Variants in GIGYF2 observed in about 807,000 individuals in gnomAD.
GIGYF2 encodes GRB10 interacting GYF protein 2.
GIGYF2 carries 25 observed loss-of-function variants against 208.1 expected under a neutral mutation model. That is an observed-to-expected ratio of 0.12 (90% confidence interval 0.09 to 0.17). The LOEUF is 0.17. GIGYF2 is among the 10% of genes least tolerant of loss of function. The pLI, the probability that GIGYF2 is intolerant of heterozygous loss-of-function variation, is 1.00. For synonymous variants in GIGYF2, 534 were observed against 543.8 expected (o/e 0.98, Z 0.25); for missense variants, 1,302 against 1,579.4 (o/e 0.82, Z 2.98).
At chr2:232,758,611 T>C (rs901217296) in intron 6 of GIGYF2, among the ~76,000 whole-genome samples, 1 of 152,222 alleles carries the variant, frequency 6.6e-6, no homozygotes, top group Admixed American at 6.5e-5. Flanking sequence ...CGTTGTAGTA[T>C]GTCCCACCCT....
intron 27 of GIGYF2, among the ~76,000 whole-genome samples, chr2:232,849,368 G>C (rs1690212888): frequency 6.6e-6 from 1 of 152,108 alleles, no homozygotes; most frequent in Admixed American, 6.5e-5. Flanking sequence ...GTTTAACTAT[G>C]TTGGCCAGGC....
rs1050822792 is a variant in GIGYF2, at chr2:232,697,349, T to A, written c.-153T>A. The A allele has an allele frequency of 2.6e-5, 4 of 152,808 alleles. No homozygotes were observed. Among genetic ancestry groups the A allele is most frequent in the Admixed American group, 2.0e-4 (3 of 15,304 alleles). The allele number at this position is 152,808 out of a possible 1,614,324, so 9.5% of individuals were successfully genotyped here. On this transcript the variant is annotated 5_prime_UTR_variant, in exon 1 of 29. Transcript: ENST00000373563. The stretch of plus-strand genomic sequence containing the variant: ...GTCGGCCATCTTGTGTTGTTGAGGC[T>A]GAGGACTGACTGGGGTTCTGAGACT...
At chr2:232,762,386 G>C (rs543358049) in intron 8 of GIGYF2, among the ~76,000 whole-genome samples, 1 of 151,720 alleles carries the variant, frequency 6.6e-6, no homozygotes, top group East Asian at 1.9e-4. Context: ...CCGAGTAGTT[G>C]GGACTACAGG....
chr2:232,743,114 G>C (rs1698030280), intron 3 of GIGYF2, among the ~76,000 whole-genome samples: 1 of 152,156 alleles, frequency 6.6e-6, no homozygotes, highest in Admixed American at 6.5e-5. Context: ...TGGGGGGCCT[G>C]CTGCTGCCAC....
chr2:232,819,855 A>T lies in GIGYF2; in HGVS notation c.2399A>T (p.Gln800Leu). The part of the protein sequence containing the change: ...QEEALRRQRE[Q>L]EIALRRQREE... ...GAGGCTCTGCGTCGCCAGCGGGAGC[A>T]AGAAATTGCATTAAGGCGACAGCGA... Residue 800 changes from glutamine (Q) to leucine (L), a missense_variant, in exon 21 of 29, where the codon CAA becomes CTA. Gln to Leu is a moderately radical substitution (Grantham distance 113). This residue lies in a region of GIGYF2 where 701 missense variants were observed against 793.0 expected (regional missense o/e 0.88). Coordinates refer to ENST00000373563, the MANE Select transcript of GIGYF2 (RefSeq NM_001103146.3). 6.5e-7 allele frequency: 1 copy of T among 1,534,806 alleles called. No individual in the cohort carries two copies. Among genetic ancestry groups the T allele is most frequent in the Middle Eastern group, 1.8e-4 (1 of 5,592 alleles).
rs144253492 is a variant in GIGYF2 at position 232,766,324 on chromosome 2, A to G, written c.532+4888A>G. The G allele has an allele frequency of 1.3e-4, 27 of 205,964 alleles. No individual in the cohort carries two copies. In the East Asian group the frequency reaches 3.4e-3, roughly 26 times the overall value. The allele number at this position is 205,964 out of a possible 1,614,324, so 12.8% of individuals were successfully genotyped here. A position where few individuals can be genotyped will look rare whatever the true frequency, so the allele number is the denominator to read the frequency against. On this transcript the variant is annotated intron_variant, in intron 8 of 28. Transcript: ENST00000373563. ...ATTTATTATAAACAGTAAGTATAAT[A>G]TGAAACTCATCTGACTTAAATGGAA...
chr2:232,761,447 T>C lies in GIGYF2; in HGVS notation c.532+11T>C. 1.3e-6 allele frequency: 2 copies of C among 1,524,756 alleles called. No individual in the cohort carries two copies. Among genetic ancestry groups the C allele is most frequent in the Non-Finnish European group, 1.8e-6 (2 of 1,099,188 alleles). The allele number at this position is 1,524,756 out of a possible 1,614,324, so 94.5% of individuals were successfully genotyped here. A position where few individuals can be genotyped will look rare whatever the true frequency, so the allele number is the denominator to read the frequency against. Reference sequence around the variant, plus strand: ...GACGAAAAGATGTAGGTAAGGTTCTTACCTACACACATAAGGATAAATTTA... The same window carrying C: ...GACGAAAAGATGTAGGTAAGGTTCTCACCTACACACATAAGGATAAATTTA... On this transcript the variant is annotated intron_variant, in intron 8 of 28. Transcript: ENST00000373563.
At position 232,823,363 on chromosome 2, in the gene GIGYF2, C is replaced by CT. The variant is rs368386641; in HGVS notation, c.2529+3381dup. 7.0e-3 allele frequency among the ~76,000 whole-genome samples: 589 copies of CT among 83,610 alleles called. 25 individuals are homozygous for CT. Among genetic ancestry groups the CT allele is most frequent in the African/African-American group, 0.026 (565 of 22,038 alleles). The allele number at this position is 83,610 out of a possible 152,430, so 54.9% of individuals were successfully genotyped here. On this transcript the variant is annotated intron_variant, in intron 21 of 28. Coordinates refer to ENST00000373563, the MANE Select transcript of GIGYF2 (RefSeq NM_001103146.3). ...TTTTCTTTCTCTTTTTCCTTTCTTT[C>CT]TTTCTTTTTTTTTTTTTTTATTGAG...
chr2:232,760,737 A>G, intron 7 of GIGYF2, 146 bp downstream of exon 7: 1 of 621,356 alleles, frequency 1.6e-6, no homozygotes, highest in South Asian at 1.9e-5. Flanking sequence ...GTTGTACATT[A>G]GAAATTTTTA....
chr2:232,832,515 C>T (rs1701452615), intron 21 of GIGYF2, among the ~76,000 whole-genome samples: 1 of 152,190 alleles, frequency 6.6e-6, no homozygotes, highest in Admixed American at 6.5e-5. Flanking sequence ...TCTTAGCGCT[C>T]AGCACCCTGA....
At chr2:232,742,600 CTAG>C in intron 3 of GIGYF2, among the ~76,000 whole-genome samples, 1 of 152,020 alleles carries the variant, frequency 6.6e-6, no homozygotes, top group African/African-American at 2.4e-5. Flanking sequence ...GAGATTAAGA[CTAG>C]TAAAATCGTT....
At position 232,791,492 on chromosome 2, in the gene GIGYF2, G is replaced by A. The variant is rs144688864; in HGVS notation, c.1282+46G>A. The A allele has an allele frequency of 4.4e-4, 672 of 1,525,434 alleles. 3 individuals are homozygous for A. In the African/African-American group the frequency reaches 8.4e-3, roughly 19 times the overall value. The allele number at this position is 1,525,434 out of a possible 1,614,324, so 94.5% of individuals were successfully genotyped here. On this transcript the variant is annotated intron_variant, in intron 12 of 28. Transcript: ENST00000373563. ...ACAAGCTAAAATAGGATTCTGCTGA[G>A]GCCAGTGATCACTGATAAGTTAGGC...
chr2:232,743,509 C>G (rs1034207963), intron 3 of GIGYF2, among the ~76,000 whole-genome samples: 5 of 152,066 alleles, frequency 3.3e-5, no homozygotes, highest in African/African-American at 1.2e-4. Flanking sequence ...TATTTCATCA[C>G]CCAAGTGTTA....
intron 14 of GIGYF2, among the ~76,000 whole-genome samples, chr2:232,804,381 GTT>G (rs199519467): frequency 0.017 from 2,103 of 121,878 alleles, 65 homozygotes; most frequent in African/African-American, 0.06. Context: ...GAGCATCTCA[GTT>G]TTTTTTTTTT....
chr2:232,843,541 C>T (rs181897102), intron 23 of GIGYF2, among the ~76,000 whole-genome samples: 1,751 of 138,016 alleles, frequency 0.013, 46 homozygotes, highest in African/African-American at 0.045. Context: ...CCAGTCTGGG[C>T]GACAGAGCGA....
At chr2:232,809,911 G>A (rs73005580) in intron 16 of GIGYF2, 100 bp downstream of exon 16, 1 of 768,168 alleles carries the variant, frequency 1.3e-6, no homozygotes, top group Non-Finnish European at 2.4e-6. Context: ...AGGACTAACG[G>A]CTTATATGGC....
At chr2:232,735,340 A>T in intron 3 of GIGYF2, 102 bp downstream of exon 3, 1 of 837,472 alleles carries the variant, frequency 1.2e-6, no homozygotes, top group Non-Finnish European at 2.0e-6. Context: ...TGTTTTTGAA[A>T]CTTTTGCTTT....
chr2:232,809,694 T>G (rs1348130122), intron 15 of GIGYF2, 26 bp from the exon 16 acceptor site: 1 of 1,378,242 alleles, frequency 7.3e-7, no homozygotes, highest in South Asian at 1.2e-5. Flanking sequence ...TTAATGGTAT[T>G]TATTTCCTCA....
intron 12 of GIGYF2, among the ~76,000 whole-genome samples, chr2:232,793,317 T>C (rs1354798662): frequency 1.3e-5 from 2 of 152,172 alleles, no homozygotes; most frequent in African/African-American, 4.8e-5. Context: ...ATGGGGTAGA[T>C]AGTACACCTG....
Sources: allele counts gnomAD v4.1 joint callset (sites outside exome capture counted in the v4.1 genomes callset), GRCh38; gene constraint gnomAD v4.1.1; regional missense constraint gnomAD v4.1.1; transcripts MANE v1.5; gene names NCBI Gene and HGNC (gene_info 2026-07-23, HGNC 2026-07-21).